Variants in XKRX observed in about 807,000 individuals in gnomAD.
XKRX encodes XK-related protein 2.
XKRX carries 11 observed loss-of-function variants against 22.4 expected under a neutral mutation model. The observed-to-expected ratio is 0.49, with a 90% CI of 0.31 to 0.81. The LOEUF (loss-of-function observed/expected upper bound fraction) is 0.81, where lower values mean the gene tolerates loss of function less well. XKRX is among the 40% of genes least tolerant of loss of function. The pLI, the probability that XKRX is intolerant of heterozygous loss-of-function variation, is 0.05. For missense variants in XKRX, 320 were observed against 336.5 expected, an observed-to-expected ratio of 0.95 and a Z score of 0.38; for synonymous variants, 114 against 132.2, an observed-to-expected ratio of 0.86 and a Z score of 0.94.
intron 1 of XKRX, among the ~76,000 whole-genome samples, chrX:100,927,001 T>C (rs974831201): frequency 2.7e-5 from 3 of 110,988 alleles, no homozygotes; most frequent in Admixed American, 9.6e-5. Flanking sequence ...AATTTGAAAA[T>C]GGCAGTAGCA....
rs35360189 is a variant in XKRX, at chrX:100,923,126, G to GA, written c.336-66dup. On this transcript the variant is annotated intron_variant, in intron 1 of 2. Coordinates refer to ENST00000372956, the MANE Select transcript of XKRX (RefSeq NM_212559.3). ...CCTGGGAAGGGAGGTTGTAGTGAGG[G>GA]AAAAAAATAACTTGGGGAGGTTGTG... is the stretch of plus-strand genomic sequence containing the variant. 1.7e-5 allele frequency: 19 copies of GA among 1,145,489 alleles called. No individual in the cohort carries two copies. In the South Asian group the frequency reaches 3.5e-4, roughly 21 times the overall value. 94.4% of individuals were successfully genotyped at this position (1,145,489 alleles called of 1,213,427 possible). A position where few individuals can be genotyped will look rare whatever the true frequency, so the allele number is the denominator to read the frequency against.
chrX:100,935,769 G>A, the XKRX span, among the ~76,000 whole-genome samples: 121 of 112,183 alleles, frequency 1.1e-3, no homozygotes, highest in African/African-American at 3.8e-3. Flanking sequence ...TTTCTGTCAT[G>A]GGCATTTCCC....
In XKRX at chrX:100,928,142, C is replaced by T; in HGVS notation, c.163G>A (p.Val55Ile). The T allele has an allele frequency of 8.3e-7, 1 of 1,211,436 alleles. No individual in the cohort carries two copies. Among genetic ancestry groups the T allele is most frequent in the South Asian group, 1.8e-5 (1 of 56,925 alleles). ...TCACTATTCTTTCGATAGATTCTAACCATGTACAAAGCAGATGCAGCCTCC... is the reference window on the plus strand; with the variant it reads ...TCACTATTCTTTCGATAGATTCTAATCATGTACAAAGCAGATGCAGCCTCC... ...CGEAASALYM[V>I]RIYRKNSETY... The change falls in exon 1 of 3, where the codon GTT becomes ATT. Residue 55 changes from valine to isoleucine, a missense_variant. By Grantham distance (29) the Val-to-Ile change is conservative. Coordinates refer to ENST00000372956, the MANE Select transcript of XKRX (RefSeq NM_212559.3).
chrX:100,915,232 A>G, intron 2 of XKRX, 149 bp from the exon 3 acceptor site: 1 of 612,276 alleles, frequency 1.6e-6, no homozygotes, highest in Non-Finnish European at 2.4e-6. Context: ...ACAGCTATGT[A>G]AACAAATAGC....
chrX:100,930,325 A>AATAATAATG (rs1556209253), upstream of XKRX, among the ~76,000 whole-genome samples: 383 of 103,170 alleles, frequency 3.7e-3, 2 homozygotes, highest in Middle Eastern at 9.8e-3. Context: ...TAATAATAAT[A>AATAATAATG]ATGATGATTA....
At chrX:100,944,582 C>T in the XKRX span, among the ~76,000 whole-genome samples, 3 of 111,976 alleles carry the variant, frequency 2.7e-5, no homozygotes, top group Admixed American at 1.9e-4. Context: ...AGGCTGTTCT[C>T]GAACTCCTGA....
Position 100,915,032 on chromosome X carries a change from C to A in XKRX, c.656G>T (p.Cys219Phe). The A allele has an allele frequency of 8.3e-7, 1 of 1,211,400 alleles. No individual in the cohort carries two copies. The highest frequency in any genetic ancestry group is 1.7e-5 in the African/African-American group (1 of 57,706). ...LVSVTYGATL[C>F]NMLAIQIKYD... ...CTTGATCTGGATAGCCAACATATTGCAAAGGGTGGCCCCATAGGTGACAGA... is the reference window on the plus strand; with the variant it reads ...CTTGATCTGGATAGCCAACATATTGAAAAGGGTGGCCCCATAGGTGACAGA... Residue 219 changes from cysteine (C) to phenylalanine (F), a missense_variant, in exon 3 of 3, where the codon TGC (cysteine) becomes TTC (phenylalanine). By Grantham distance (205) the Cys-to-Phe change is radical (BLOSUM62 -2). Transcript: ENST00000372956.
the XKRX span, among the ~76,000 whole-genome samples, chrX:100,954,098 C>A: frequency 9.0e-6 from 1 of 110,552 alleles, no homozygotes; most frequent in Non-Finnish European, 1.9e-5. Context: ...CAGTTAGATG[C>A]CACTTCATGC....
At position 100,914,306 on chromosome X, in the gene XKRX, C is replaced by T. The variant is rs2085420099; in HGVS notation, c.*32G>A. ...ATTTCATGGTTACTCTTGGCAACTC[C>T]CAACTCTTCCTAAAATACCCAGAAA... On this transcript the variant is annotated 3_prime_UTR_variant, in exon 3 of 3. Transcript: ENST00000372956. The T allele has an allele frequency of 8.4e-7, 1 of 1,192,088 alleles. No individual in the cohort carries two copies. Among genetic ancestry groups the T allele is most frequent in the Admixed American group, 2.3e-5 (1 of 43,822 alleles).
chrX:100,893,346 G>T, the XKRX span, among the ~76,000 whole-genome samples: 1 of 111,930 alleles, frequency 8.9e-6, no homozygotes, highest in Non-Finnish European at 1.9e-5. Flanking sequence ...AAAATGGTAA[G>T]TATATCACTG....
At chrX:100,949,388 C>T in the XKRX span, among the ~76,000 whole-genome samples, 2 of 69,369 alleles carry the variant, frequency 2.9e-5, no homozygotes, top group East Asian at 1.1e-3. Context: ...TTGAGAGAGA[C>T]GGAGTCTTGC....
chrX:100,890,698 C>T, the XKRX span, among the ~76,000 whole-genome samples: 9 of 110,968 alleles, frequency 8.1e-5, no homozygotes, highest in African/African-American at 2.9e-4. Flanking sequence ...TTTATTATCA[C>T]TAGGGACATC....
chrX:100,893,991 G>A, the XKRX span, among the ~76,000 whole-genome samples: 7 of 112,550 alleles, frequency 6.2e-5, no homozygotes, highest in African/African-American at 1.6e-4. Context: ...AAAGTAGGCC[G>A]GGTGCGGTGG....
intron 2 of XKRX, among the ~76,000 whole-genome samples, chrX:100,916,223 T>A (rs748978160): frequency 7.2e-5 from 8 of 111,359 alleles, no homozygotes; most frequent in African/African-American, 2.6e-4. Flanking sequence ...CTTGAATATA[T>A]ACAATAAAAC....
At chrX:100,923,620 G>A (rs751146102) in intron 1 of XKRX, among the ~76,000 whole-genome samples, 9 of 111,478 alleles carry the variant, frequency 8.1e-5, no homozygotes, top group African/African-American at 2.9e-4. Context: ...TTGAGGACTC[G>A]AGGAATTGTT....
chrX:100,936,224 A>C, the XKRX span, among the ~76,000 whole-genome samples: 1 of 111,368 alleles, frequency 9.0e-6, no homozygotes, highest in Non-Finnish European at 1.9e-5. Flanking sequence ...GTTGTGTATT[A>C]GTCCATTCTC....
rs111598304 is a variant in XKRX, at chrX:100,923,299, A to G, written c.336-238T>C. Among the ~76,000 whole-genome samples the G allele has an allele frequency of 8.4e-3, 943 of 111,657 alleles. 9 individuals are homozygous for G. Among genetic ancestry groups the G allele is most frequent in the African/African-American group, 0.029 (881 of 30,663 alleles). On this transcript the variant is annotated intron_variant, in intron 1 of 2. Transcript: ENST00000372956. ...TCTGAGTAGCTAGGACTACAGGCGC[A>G]TGCCACCATGCCAGCTATTTTTAAT...
downstream of XKRX, among the ~76,000 whole-genome samples, chrX:100,908,673 T>C: frequency 9.0e-6 from 1 of 111,657 alleles, no homozygotes; most frequent in Non-Finnish European, 1.9e-5. Flanking sequence ...GAACAAGGGT[T>C]CCCACTCTTA....
chrX:100,905,609 A>AC, the XKRX span, among the ~76,000 whole-genome samples: 5 of 110,761 alleles, frequency 4.5e-5, no homozygotes, highest in Non-Finnish European at 7.6e-5. Context: ...ATTTTCCTCT[A>AC]CCCCCCCATA....
Sources: allele counts gnomAD v4.1 joint callset (sites outside exome capture counted in the v4.1 genomes callset), GRCh38; gene constraint gnomAD v4.1.1; transcripts MANE v1.5; gene names NCBI Gene and HGNC (gene_info 2026-07-23, HGNC 2026-07-21).